SSC5D: variants seen among roughly 807,000 people sequenced by gnomAD.
SSC5D encodes the protein soluble scavenger receptor cysteine-rich domain-containing protein SSC5D.
Under a neutral mutation model 104.6 loss-of-function variants are expected in SSC5D, and 106 were observed. The observed-to-expected ratio is 1.01, with a 90% CI of 0.87 to 1.19. The LOEUF (loss-of-function observed/expected upper bound fraction) is 1.19. Ranked by LOEUF, SSC5D falls within the 50% of genes most tolerant of loss-of-function variation. SSC5D has a pLI of 0.00. For missense variants in SSC5D, 1,993 were observed against 2,153.8 expected (o/e 0.93, Z 1.48); for synonymous variants, 860 against 883.5 (o/e 0.97, Z 0.47).
In SSC5D at chr19:55,518,749, G is replaced by A; in HGVS notation, c.4473G>A (p.Val1491=). The change falls in exon 14 of 14, where the codon GTG becomes GTA. Residue 1491 remains valine (V), a synonymous_variant. Transcript: ENST00000389623. The part of the protein sequence containing the change: ...RVMACEPPAL[V]ELVAAVRDVG... The stretch of plus-strand genomic sequence containing the variant: ...TGGCTTGTGAGCCACCTGCCCTGGT[G>A]GAGCTGGTGGCTGCTGTGAGGGATG... 9 of 1,550,904 alleles carry A rather than the reference G, an allele frequency of 5.8e-6. No homozygotes were observed. The highest frequency in any genetic ancestry group is 7.8e-6 in the Non-Finnish European group (9 of 1,146,912).
At chr19:55,492,776 T>G (rs1261093916) in intron 6 of SSC5D, 2 of 152,114 alleles carry the variant, frequency 1.3e-5, no homozygotes, top group African/African-American at 4.8e-5. Flanking sequence ...CTAACACCTG[T>G]AGCCCACGTG....
intron 6 of SSC5D, among the ~76,000 whole-genome samples, chr19:55,493,377 A>AG (rs34866804): frequency 0.46 from 70,424 of 152,056 alleles, 18,995 homozygotes; most frequent in South Asian, 0.7. Context: ...CAGCGTCCCC[A>AG]GCCCCCACCG....
At chr19:55,513,494 C>T (rs1987804761) in intron 13 of SSC5D, among the ~76,000 whole-genome samples, 2 of 151,986 alleles carry the variant, frequency 1.3e-5, no homozygotes, top group South Asian at 4.1e-4. Flanking sequence ...GCAGGAGGAT[C>T]CCTTGAGCCT....
chr19:55,494,918 C>A, intron 8 of SSC5D, 135 bp downstream of exon 8: 1 of 1,053,082 alleles, frequency 9.5e-7, no homozygotes, highest in Non-Finnish European at 1.3e-6. Flanking sequence ...TCGCCCAGGA[C>A]ACTGAGCTGG....
chr19:55,496,689 G>T (rs973892488), intron 8 of SSC5D, among the ~76,000 whole-genome samples: 1 of 151,480 alleles, frequency 6.6e-6, no homozygotes, highest in African/African-American at 2.4e-5. Context: ...CAGGGCGCAC[G>T]TTCTTTAAAA....
At chr19:55,494,041 A>G (rs1987241114) in intron 7 of SSC5D, 129 bp downstream of exon 7, 2 of 892,826 alleles carry the variant, frequency 2.2e-6, no homozygotes, top group Non-Finnish European at 3.3e-6. Flanking sequence ...CCACTCCCCC[A>G]TCTTATTCCC....
rs1216061485 is a variant in SSC5D at position 55,503,925 on chromosome 19, G to A, written c.2785+2724G>A. ...CTGCCTCGCACCTCGTGACGTCACA[G>A]GCGCGCTGCGCCTCCTGATTGGCCA... is the stretch of plus-strand genomic sequence containing the variant. On this transcript the variant is annotated intron_variant, in intron 12 of 13. Transcript: ENST00000389623. This position sits in a 1 kb window ranked among gnomAD's most constrained non-coding sequence, Gnocchi z 4.0. Among the ~76,000 whole-genome samples the A allele has an allele frequency of 6.6e-6, 1 of 152,242 alleles. No individual in the cohort carries two copies.
rs1987921362 is a variant in SSC5D at position 55,518,083 on chromosome 19, GCAGCCC to G, written c.3808_3813del (p.Gln1270_Pro1271del). 1 of 1,366,964 alleles carries G rather than the reference GCAGCCC, an allele frequency of 7.3e-7. No homozygotes were observed. Among genetic ancestry groups the G allele is most frequent in the East Asian group, 3.6e-5 (1 of 27,544 alleles). The allele number at this position is 1,366,964 out of a possible 1,614,324, so 84.7% of individuals were successfully genotyped here. On this transcript the variant is annotated inframe_deletion, in exon 14 of 14. Transcript: ENST00000389623. Reference sequence around the variant, plus strand: ...CAACCCCTCAACCCTTCACCACCATGCAGCCCACCACGATGCCTCATCCCACCACGA... The same window carrying G: ...CAACCCCTCAACCCTTCACCACCATGACCACGATGCCTCATCCCACCACGA...
Position 55,493,729 on chromosome 19 carries a change from G to C in SSC5D, c.1030G>C (p.Glu344Gln), listed in dbSNP as rs1336219208. 2 of 1,522,372 alleles carry C rather than the reference G, an allele frequency of 1.3e-6. No individual in the cohort carries two copies. The highest frequency in any genetic ancestry group is 1.8e-6 in the Non-Finnish European group (2 of 1,137,296). The allele number at this position is 1,522,372 out of a possible 1,614,324, so 94.3% of individuals were successfully genotyped here. The part of the protein sequence containing the change: ...DLRDAAVACR[E>Q]LGCGGALAAP... Reference sequence around the variant, plus strand: ...GCGAGACGCCGCTGTGGCCTGCCGAGAGCTGGGCTGCGGAGGGGCGCTGGC... The same window carrying C: ...GCGAGACGCCGCTGTGGCCTGCCGACAGCTGGGCTGCGGAGGGGCGCTGGC... Residue 344 changes from glutamate to glutamine, a missense_variant, in exon 7 of 14, where the codon GAG (glutamate) becomes CAG (glutamine). Coordinates refer to ENST00000389623, the MANE Select transcript of SSC5D (RefSeq NM_001144950.2).
chr19:55,505,775 C>T (rs780923051), intron 12 of SSC5D, among the ~76,000 whole-genome samples: 3 of 151,790 alleles, frequency 2.0e-5, no homozygotes, highest in Non-Finnish European at 2.9e-5. Context: ...CTCACTCTGT[C>T]GCCCAGGCTG....
chr19:55,504,431 TCAGGAGC>T, intron 12 of SSC5D: 2 of 799,396 alleles, frequency 2.5e-6, no homozygotes, highest in Admixed American at 4.8e-5. Flanking sequence ...ATTCTTAGCT[TCAGGAGC>T]AATGTAACCT....
At chr19:55,504,308 T>G (rs1987591910) in intron 12 of SSC5D, 1 of 1,430,428 alleles carries the variant, frequency 7.0e-7, no homozygotes, top group African/African-American at 1.4e-5. Context: ...CAGAAATAAA[T>G]GCAGAATCAC....
chr19:55,513,244 C>T (rs1987798527), intron 13 of SSC5D, 72 bp downstream of exon 13: 1 of 1,363,830 alleles, frequency 7.3e-7, no homozygotes, highest in African/African-American at 1.5e-5. Flanking sequence ...ATTCCAGACT[C>T]CCCACTGGAA....
At chr19:55,506,772 G>A (rs1196826930) in intron 12 of SSC5D, among the ~76,000 whole-genome samples, 3 of 152,204 alleles carry the variant, frequency 2.0e-5, no homozygotes, top group Admixed American at 6.5e-5. Context: ...GTCAGTTCAT[G>A]TGTCAAATGC....
At chr19:55,504,038 G>T in intron 12 of SSC5D, 1 of 1,383,434 alleles carries the variant, frequency 7.2e-7, no homozygotes. Flanking sequence ...AGGGAGGGAG[G>T]AAGCAGGCCC....
rs1987475927 is a variant in SSC5D at position 55,500,794 on chromosome 19, C to T, written c.2607C>T (p.Leu869=). ...HNCDHEEDVG[L]TCTGYTDYDD... is the part of the protein sequence containing the mutation. ...GTGACCACGAGGAAGACGTGGGGCT[C>T]ACCTGCACTGGTACCAGGGCATGGC... Residue 869 remains leucine, a synonymous_variant, in exon 11 of 14, where the codon CTC becomes CTT. Coordinates refer to ENST00000389623, the MANE Select transcript of SSC5D (RefSeq NM_001144950.2). This position sits in a 1 kb window ranked among gnomAD's most constrained non-coding sequence, Gnocchi z 4.6. 5.2e-6 allele frequency: 8 copies of T among 1,548,452 alleles called. No individual in the cohort carries two copies. Among genetic ancestry groups the T allele is most frequent in the Non-Finnish European group, 7.0e-6 (8 of 1,144,554 alleles).
Position 55,497,879 on chromosome 19 carries a change from G to C in SSC5D, c.1388-1G>C. The C allele has an allele frequency of 6.5e-7, 1 of 1,530,204 alleles. No individual in the cohort carries two copies. Among genetic ancestry groups the C allele is most frequent in the Admixed American group, 2.0e-5 (1 of 50,068 alleles). 94.8% of individuals were successfully genotyped at this position (1,530,204 alleles called of 1,614,324 possible). On this transcript the variant is annotated splice_acceptor_variant, in intron 8 of 13. Transcript: ENST00000389623. LOFTEE classifies it high-confidence loss of function. ...AATTCTTTGGGTCTCTTCTACCCCA[G>C]GGTCCCCCCAGCTGCGCCTGGTGGC...
chr19:55,517,254 G>C lies in SSC5D; in HGVS notation c.2978G>C (p.Arg993Pro), dbSNP rs1759158464. ...GSPRKPWPER[R>P]PPRPAATRTA... is the part of the protein sequence containing the mutation. ...CCGAGGAAACCGTGGCCCGAGCGCC[G>C]GCCACCGCGGCCCGCTGCGACCAGG... is the stretch of plus-strand genomic sequence containing the variant. The change falls in exon 14 of 14, where the codon CGG becomes CCG. Residue 993 changes from arginine to proline, a missense_variant. Arg to Pro is a moderately radical substitution (Grantham distance 103). This residue lies in a region of SSC5D where 423 missense variants were observed against 409.2 expected (regional missense o/e 1.03). Transcript: ENST00000389623. 4.5e-6 allele frequency: 7 copies of C among 1,542,488 alleles called. No homozygotes were observed.
chr19:55,515,993 A>G (rs1987863040), intron 13 of SSC5D, among the ~76,000 whole-genome samples: 1 of 152,110 alleles, frequency 6.6e-6, no homozygotes, highest in South Asian at 2.1e-4. Flanking sequence ...CTCTTGCCCT[A>G]ATTTCCCCCT....
Sources: gnomAD v4.1 joint callset for allele counts (sites outside exome capture counted in the v4.1 genomes callset) on GRCh38, gnomAD v4.1.1 for gene constraint, gnomAD v4.1.1 regional missense constraint, Gnocchi (gnomAD v3.1) non-coding constraint, MANE v1.5 for transcripts, NCBI Gene and HGNC (gene_info 2026-07-23, HGNC 2026-07-21) for gene names.